The following GRM5 variants were observed in gnomAD, a reference collection of about 807,000 sequenced individuals.
The protein encoded by GRM5 is glutamate metabotropic receptor 5, also known as metabotropic glutamate receptor 5.
Under a neutral mutation model 83.1 loss-of-function variants are expected in GRM5, and 19 were observed. That is an observed-to-expected ratio of 0.23 (90% CI 0.16 to 0.34). The LOEUF (loss-of-function observed/expected upper bound fraction) is 0.34. Among genes scored for constraint, GRM5 ranks in the 10% least tolerant of loss-of-function variants. The pLI is 1.00. For missense variants in GRM5, 1,160 were observed against 1,588.3 expected, an observed-to-expected ratio of 0.73 and a Z score of 4.58; for synonymous variants, 675 against 633.6, an observed-to-expected ratio of 1.07 and a Z score of -0.98.
Position 88,740,078 on chromosome 11 carries a change from C to T in GRM5, c.912-86675G>A, listed in dbSNP as rs903763650. ...ATCACTTGGCTAACATTACTTTTATCGAGTTTCTCCAGTATAAGTTTACTA... is the reference window on the plus strand; with the variant it reads ...ATCACTTGGCTAACATTACTTTTATTGAGTTTCTCCAGTATAAGTTTACTA... On this transcript the variant is annotated intron_variant, in intron 3 of 9. Coordinates refer to ENST00000305447, the MANE Select transcript of GRM5 (RefSeq NM_001143831.3). Among the ~76,000 whole-genome samples the T allele has an allele frequency of 3.9e-5, 6 of 151,992 alleles. No homozygotes were observed. In the East Asian group the frequency reaches 5.8e-4, roughly 15 times the overall value.
At chr11:88,685,193 G>C (rs1940589565) in intron 3 of GRM5, among the ~76,000 whole-genome samples, 2 of 152,200 alleles carry the variant, frequency 1.3e-5, no homozygotes, top group African/African-American at 4.8e-5. Context: ...TTCTCAGATG[G>C]AGATGAGGAA....
intron 2 of GRM5, among the ~76,000 whole-genome samples, chr11:89,034,779 A>G (rs560407216): frequency 6.6e-6 from 1 of 151,494 alleles, no homozygotes; most frequent in South Asian, 2.1e-4. Context: ...CTCAAAACAC[A>G]AGTTTTAGGT....
At chr11:88,614,694 T>G (rs2135246814) in intron 4 of GRM5, among the ~76,000 whole-genome samples, 1 of 152,322 alleles carries the variant, frequency 6.6e-6, no homozygotes, top group South Asian at 2.1e-4. Context: ...CAACATAATT[T>G]TGCATGTATC....
At chr11:88,854,877 T>C (rs1478773615) in intron 2 of GRM5, among the ~76,000 whole-genome samples, 11 of 152,022 alleles carry the variant, frequency 7.2e-5, no homozygotes, top group Non-Finnish European at 1.6e-4. Flanking sequence ...CACCAAATCA[T>C]ACTTTAGTAA....
intron 9 of GRM5, among the ~76,000 whole-genome samples, chr11:88,519,880 A>G (rs1170394644): frequency 6.6e-6 from 1 of 152,192 alleles, no homozygotes; most frequent in Non-Finnish European, 1.5e-5. Context: ...CTGTACTTAT[A>G]TAATTCCATT....
intron 4 of GRM5, among the ~76,000 whole-genome samples, chr11:88,621,138 G>A (rs1431458631): frequency 6.6e-6 from 1 of 152,070 alleles, no homozygotes; most frequent in Non-Finnish European, 1.5e-5. Flanking sequence ...AGGGCTAATG[G>A]TTATGATATT....
chr11:88,922,621 C>G (rs931715271), intron 2 of GRM5, among the ~76,000 whole-genome samples: 2 of 152,016 alleles, frequency 1.3e-5, no homozygotes, highest in Non-Finnish European at 2.9e-5. Flanking sequence ...AGCTACAAAA[C>G]TACTAAAAGA....
intron 4 of GRM5, among the ~76,000 whole-genome samples, chr11:88,652,297 C>T (rs1395644242): frequency 6.6e-6 from 1 of 151,922 alleles, no homozygotes; most frequent in Non-Finnish European, 1.5e-5. Flanking sequence ...AAAAAAAAAT[C>T]CTTTGTCAAT....
intron 3 of GRM5, among the ~76,000 whole-genome samples, chr11:88,720,821 CGTGT>C (rs869078157): frequency 3.6e-5 from 5 of 137,266 alleles, no homozygotes; most frequent in African/African-American, 5.4e-5. Flanking sequence ...TGTGTGTGTG[CGTGT>C]GTGTGTGTGT....
At chr11:88,892,879 C>T (rs537802096) in intron 2 of GRM5, among the ~76,000 whole-genome samples, 1 of 152,008 alleles carries the variant, frequency 6.6e-6, no homozygotes, top group South Asian at 2.1e-4. Context: ...GTAGGGTGCC[C>T]ATAACCCAGA....
chr11:88,682,248 T>G (rs1014666262), intron 3 of GRM5, among the ~76,000 whole-genome samples: 2 of 152,180 alleles, frequency 1.3e-5, no homozygotes, highest in African/African-American at 2.4e-5. Flanking sequence ...TCTCTATGTA[T>G]CAGTATATGC....
chr11:88,913,311 C>T (rs1301484143), intron 2 of GRM5, among the ~76,000 whole-genome samples: 2 of 152,122 alleles, frequency 1.3e-5, no homozygotes, highest in African/African-American at 2.4e-5. Flanking sequence ...TCCAGTCTCT[C>T]GACAATTCTC....
At chr11:88,625,239 G>A (rs1193923112) in intron 4 of GRM5, among the ~76,000 whole-genome samples, 1 of 152,038 alleles carries the variant, frequency 6.6e-6, no homozygotes, top group African/African-American at 2.4e-5. Flanking sequence ...AGAGAACAGG[G>A]AACAAAATGG....
chr11:88,905,251 G>T (rs1169362507), intron 2 of GRM5, among the ~76,000 whole-genome samples: 1 of 152,144 alleles, frequency 6.6e-6, no homozygotes, highest in Non-Finnish European at 1.5e-5. Context: ...ATTGATGAGG[G>T]GTCGGAAAGC....
chr11:88,587,566 C>T (rs1943342833), intron 7 of GRM5, among the ~76,000 whole-genome samples: 1 of 152,088 alleles, frequency 6.6e-6, no homozygotes, highest in Admixed American at 6.6e-5. Context: ...ATTCAGGACA[C>T]ACTACCCTGA....
intron 9 of GRM5, chr11:88,523,937 C>G (rs1301172165): frequency 2.0e-5 from 3 of 152,178 alleles, no homozygotes; most frequent in Non-Finnish European, 2.9e-5. Flanking sequence ...AAGCTCTGCT[C>G]TCAGCACATG....
At chr11:88,766,323 T>C (rs1942623825) in intron 3 of GRM5, among the ~76,000 whole-genome samples, 1 of 151,968 alleles carries the variant, frequency 6.6e-6, no homozygotes, top group Non-Finnish European at 1.5e-5. Flanking sequence ...GGGGCTCCCA[T>C]AACCAAAATG....
intron 2 of GRM5, among the ~76,000 whole-genome samples, chr11:88,920,134 A>C (rs1657377253): frequency 6.6e-6 from 1 of 152,090 alleles, no homozygotes. Context: ...AAGGATAAAA[A>C]AATCAACAAA....
chr11:88,671,936 G>A (rs1302418083), intron 3 of GRM5, among the ~76,000 whole-genome samples: 5 of 151,916 alleles, frequency 3.3e-5, no homozygotes, highest in African/African-American at 1.2e-4. Flanking sequence ...ACATTATAAT[G>A]CGTTAAAATA....
Sources: gnomAD v4.1 joint callset for allele counts (sites outside exome capture counted in the v4.1 genomes callset) on GRCh38, gnomAD v4.1.1 for gene constraint, MANE v1.5 for transcripts, NCBI Gene and HGNC (gene_info 2026-07-23, HGNC 2026-07-21) for gene names.